Variants in RALYL observed in about 807,000 individuals in gnomAD.
RALYL encodes RNA-binding Raly-like protein.
In RALYL, 29 loss-of-function variants were observed where a neutral mutation model predicts 35.1. The observed-to-expected ratio is 0.83, with a 90% CI of 0.61 to 1.13. RALYL has a LOEUF of 1.13. RALYL is among the 50% of genes most tolerant of loss of function. The pLI is 0.00. For synonymous variants in RALYL, 120 were observed against 127.6 expected, an observed-to-expected ratio of 0.94 and a Z score of 0.40; for missense variants, 359 against 360.4, an observed-to-expected ratio of 1.00 and a Z score of 0.03.
intron 6 of RALYL, chr8:84,864,706 C>T (rs956747938): frequency 3.7e-6 from 2 of 546,012 alleles, no homozygotes; most frequent in African/African-American, 1.9e-5. Context: ...ATAGGTGCAA[C>T]CCCAGTAAGA....
At chr8:84,372,561 T>C (rs921954662) in intron 1 of RALYL, among the ~76,000 whole-genome samples, 4 of 151,912 alleles carry the variant, frequency 2.6e-5, no homozygotes, top group Non-Finnish European at 4.4e-5. Context: ...AGCATAGGGA[T>C]ACCTTGTCTC....
chr8:84,880,136 A>G (rs1841922924), intron 7 of RALYL, among the ~76,000 whole-genome samples: 1 of 152,102 alleles, frequency 6.6e-6, no homozygotes, highest in Non-Finnish European at 1.5e-5. Context: ...GGAGACTGGA[A>G]GACAATGGCT....
chr8:84,603,802 G>C (rs1012642401), intron 2 of RALYL, among the ~76,000 whole-genome samples: 1 of 152,068 alleles, frequency 6.6e-6, no homozygotes, highest in South Asian at 2.1e-4. Flanking sequence ...TTGATTAATT[G>C]TCTGGGTGGC....
chr8:84,776,632 A>G (rs997194908), intron 3 of RALYL, among the ~76,000 whole-genome samples: 3 of 151,018 alleles, frequency 2.0e-5, no homozygotes, highest in Non-Finnish European at 4.4e-5. Context: ...CTTATTTTCA[A>G]TTACTGCTAA....
chr8:84,732,304 A>G (rs1846325588), intron 2 of RALYL, among the ~76,000 whole-genome samples: 1 of 152,154 alleles, frequency 6.6e-6, no homozygotes, highest in Non-Finnish European at 1.5e-5. Flanking sequence ...AATGATTAAT[A>G]GCCTCATCTG....
At chr8:84,348,206 A>C (rs1486527976) in intron 1 of RALYL, among the ~76,000 whole-genome samples, 1 of 152,126 alleles carries the variant, frequency 6.6e-6, no homozygotes, top group Non-Finnish European at 1.5e-5. Context: ...GGCAGCTTTA[A>C]GACAAATTTA....
chr8:84,704,513 A>C (rs1316863047), intron 2 of RALYL, among the ~76,000 whole-genome samples: 1 of 151,698 alleles, frequency 6.6e-6, no homozygotes, highest in Non-Finnish European at 1.5e-5. Context: ...AATGTTTATT[A>C]AGAGCCTACT....
intron 1 of RALYL, among the ~76,000 whole-genome samples, chr8:84,481,355 G>A (rs900000446): frequency 6.6e-5 from 10 of 152,064 alleles, no homozygotes; most frequent in Admixed American, 3.9e-4. Context: ...TCTGAGACAG[G>A]ATCTTGATCT....
chr8:84,565,872 A>G (rs2061748345), intron 2 of RALYL, among the ~76,000 whole-genome samples: 1 of 151,538 alleles, frequency 6.6e-6, no homozygotes, highest in Non-Finnish European at 1.5e-5. Flanking sequence ...ACCTTGGGGG[A>G]TTAAGTAAAA....
At chr8:84,335,666 C>T (rs1348565481) in intron 1 of RALYL, among the ~76,000 whole-genome samples, 1 of 149,398 alleles carries the variant, frequency 6.7e-6, no homozygotes, top group African/African-American at 2.5e-5. Flanking sequence ...TTTTGACTAC[C>T]TCAAAGAGTG....
At chr8:84,512,337 A>AT (rs1161779865) in intron 1 of RALYL, among the ~76,000 whole-genome samples, 4 of 151,782 alleles carry the variant, frequency 2.6e-5, no homozygotes, top group African/African-American at 9.7e-5. Context: ...CCTACTGGCC[A>AT]TTTTTTTGGT....
intron 8 of RALYL, among the ~76,000 whole-genome samples, chr8:84,909,931 C>A (rs1467472776): frequency 6.6e-6 from 1 of 152,074 alleles, no homozygotes; most frequent in Admixed American, 6.6e-5. Context: ...GTTTGGTGTT[C>A]TCTAACAATT....
At chr8:84,823,994 T>C (rs954794208) in intron 4 of RALYL, among the ~76,000 whole-genome samples, 7 of 152,022 alleles carry the variant, frequency 4.6e-5, no homozygotes, top group Admixed American at 1.3e-4. Flanking sequence ...TTCAACAAGG[T>C]ACTAGAAATG....
chr8:84,407,624 C>A (rs933639460), intron 1 of RALYL, among the ~76,000 whole-genome samples: 1 of 151,918 alleles, frequency 6.6e-6, no homozygotes, highest in South Asian at 2.1e-4. Flanking sequence ...ATATATTTAC[C>A]TATATTCTGT....
At chr8:84,878,689 G>T (rs767548971) in intron 7 of RALYL, among the ~76,000 whole-genome samples, 2 of 151,640 alleles carry the variant, frequency 1.3e-5, no homozygotes, top group East Asian at 1.9e-4. Flanking sequence ...TATTCAAAGC[G>T]CTGATAAAAG....
chr8:84,643,067 G>T (rs1826726148), intron 2 of RALYL, among the ~76,000 whole-genome samples: 1 of 151,846 alleles, frequency 6.6e-6, no homozygotes, highest in Non-Finnish European at 1.5e-5. Flanking sequence ...GAAAGAGAGA[G>T]AGTAGGGCCC....
intron 1 of RALYL, among the ~76,000 whole-genome samples, chr8:84,367,141 T>G (rs1357937467): frequency 7.6e-6 from 1 of 130,948 alleles, no homozygotes; most frequent in East Asian, 2.0e-4. Context: ...TCTTTTTTCT[T>G]TTTTTTTTTT....
intron 4 of RALYL, among the ~76,000 whole-genome samples, chr8:84,842,580 T>A (rs1833673499): frequency 6.6e-6 from 1 of 152,126 alleles, no homozygotes; most frequent in South Asian, 2.1e-4. Flanking sequence ...ACTATTCCAA[T>A]CAATAGAAAA....
intron 2 of RALYL, among the ~76,000 whole-genome samples, chr8:84,619,014 G>C (rs13258359): frequency 1.4e-5 from 2 of 147,678 alleles, no homozygotes; most frequent in Middle Eastern, 3.2e-3. Context: ...TTACTTCCAA[G>C]TATGTGGTCA....
Sources: allele counts gnomAD v4.1 joint callset (sites outside exome capture counted in the v4.1 genomes callset), GRCh38; gene constraint gnomAD v4.1.1; transcripts MANE v1.5; gene names NCBI Gene and HGNC (gene_info 2026-07-23, HGNC 2026-07-21).